KSR1: variants seen among roughly 807,000 people sequenced by gnomAD.
KSR1 encodes the protein kinase suppressor of ras.
Under a neutral mutation model 92.9 loss-of-function variants are expected in KSR1, and 35 were observed. The observed-to-expected ratio is 0.38, with a 90% CI of 0.29 to 0.50. KSR1 has a LOEUF of 0.50. Among genes scored for constraint, KSR1 ranks in the 20% least tolerant of loss-of-function variants. The pLI is 0.94. For missense variants in KSR1, 972 were observed against 1,158.5 expected, an observed-to-expected ratio of 0.84 and a Z score of 2.34; for synonymous variants, 467 against 472.6, an observed-to-expected ratio of 0.99 and a Z score of 0.15.
chr17:27,527,001 C>G, intron 1 of KSR1: 1 of 529,288 alleles, frequency 1.9e-6, no homozygotes, highest in Non-Finnish European at 3.5e-6. Flanking sequence ...GATGTTCTCC[C>G]AGCCCTTCTT....
rs1204214538 is a variant in KSR1, at chr17:27,623,428, T to A, written c.*36T>A. ...GGTTTTTCGCTGCTGATCTCTTTCT[T>A]TTTAAAATGTGTTTCTGAAACATCC... On this transcript the variant is annotated 3_prime_UTR_variant, in exon 21 of 21. Transcript: ENST00000644974. 9.4e-6 allele frequency: 7 copies of A among 748,500 alleles called. No individual in the cohort carries two copies. The highest frequency in any genetic ancestry group is 1.7e-5 in the Non-Finnish European group (7 of 409,034). 46.4% of individuals were successfully genotyped at this position (748,500 alleles called of 1,614,324 possible).
At position 27,590,806 on chromosome 17, in the gene KSR1, TGCAGGTTC is replaced by T; in HGVS notation, c.1047-4_1050del. The T allele has an allele frequency of 6.2e-7, 1 of 1,608,774 alleles. No homozygotes were observed. The highest frequency in any genetic ancestry group is 1.1e-5 in the South Asian group (1 of 89,516). On this transcript the variant is annotated splice_acceptor_variant and splice_polypyrimidine_tract_variant and coding_sequence_variant and intron_variant, in exon 7 of 21. Coordinates refer to ENST00000644974, the MANE Select transcript of KSR1 (RefSeq NM_001394583.1). LOFTEE classifies it high-confidence loss of function. ...CAAACATGTGCCTGTGTCCGCCCTCTGCAGGTTCTCCACCAAGTCCTGGCTGTCGCAGG... is the reference window on the plus strand; with the variant it reads ...CAAACATGTGCCTGTGTCCGCCCTCTTCCACCAAGTCCTGGCTGTCGCAGG...
intron 1 of KSR1, among the ~76,000 whole-genome samples, chr17:27,504,541 G>T (rs1419609976): frequency 6.6e-6 from 1 of 152,118 alleles, no homozygotes; most frequent in African/African-American, 2.4e-5. Context: ...TTGAAGGGTG[G>T]GTACAGACGG....
chr17:27,582,257 G>GT (rs1372007613), intron 3 of KSR1, among the ~76,000 whole-genome samples: 1 of 152,128 alleles, frequency 6.6e-6, no homozygotes, highest in Non-Finnish European at 1.5e-5. Context: ...TAGAGTCTGG[G>GT]TTTTTTTAGA....
In KSR1 at chr17:27,611,650, G is replaced by A. The variant is rs7207500; in HGVS notation, c.2493+21G>A. 19,587 of 1,613,456 alleles carry A rather than the reference G, an allele frequency of 0.012. 787 individuals are homozygous for A. The African/African-American group carries it at 0.14, about 11-fold the overall frequency. On this transcript the variant is annotated intron_variant, in intron 18 of 20. Transcript: ENST00000644974. ...TCAGTGTAAGTAGTACCTGCCCTGG[G>A]TGGAGCAGTAGGGCTGGAGGTGGGG...
rs560360209 is a variant in KSR1 at position 27,491,149 on chromosome 17, C to T, written c.231+34275C>T. 6.3e-4 allele frequency among the ~76,000 whole-genome samples: 96 copies of T among 152,156 alleles called. 2 individuals carry two copies. In the South Asian group the frequency reaches 0.02, roughly 32 times the overall value. On this transcript the variant is annotated intron_variant, in intron 1 of 20. Transcript: ENST00000644974. The stretch of plus-strand genomic sequence containing the variant: ...ATGTTTATTTTTTTAGAGGTGGAGT[C>T]TCATTCTGTCGCCCAGGCTGGAGCA...
At chr17:27,542,024 T>C (rs1456943989) in intron 1 of KSR1, among the ~76,000 whole-genome samples, 1 of 152,230 alleles carries the variant, frequency 6.6e-6, no homozygotes. Flanking sequence ...GAAGGGTCTG[T>C]AGTATTTTCA....
At position 27,569,978 on chromosome 17, in the gene KSR1, C is replaced by T. The variant is rs373075074; in HGVS notation, c.373-7514C>T. Among the ~76,000 whole-genome samples the T allele has an allele frequency of 7.2e-5, 11 of 152,258 alleles. No individual in the cohort carries two copies. The South Asian group carries it at 1.7e-3, about 23-fold the overall frequency. ...GAGAAAGTGGTGGCTGTGGTGACAG[C>T]GGGTGCAGCTGGAAGCTAGATATCT... On this transcript the variant is annotated intron_variant, in intron 2 of 20. Coordinates refer to ENST00000644974, the MANE Select transcript of KSR1 (RefSeq NM_001394583.1).
chr17:27,598,515 G>A (rs544400336), intron 10 of KSR1, among the ~76,000 whole-genome samples: 16 of 152,172 alleles, frequency 1.1e-4, no homozygotes, highest in Non-Finnish European at 2.4e-4. Flanking sequence ...CACGCACGTG[G>A]CTGGATATCT....
rs528969994 is a variant in KSR1, at chr17:27,495,619, A to G, written c.231+38745A>G. ...CTGAAATCTGTGAGCAATGTTGTCC[A>G]GTAAGGCTGTCTCTACCAGGTAACA... On this transcript the variant is annotated intron_variant, in intron 1 of 20. Transcript: ENST00000644974. Among the ~76,000 whole-genome samples the G allele has an allele frequency of 5.3e-5, 8 of 152,326 alleles. No homozygotes were observed. In the South Asian group the frequency reaches 1.7e-3, roughly 32 times the overall value.
chr17:27,530,848 G>T (rs1195115153), intron 1 of KSR1, among the ~76,000 whole-genome samples: 1 of 152,174 alleles, frequency 6.6e-6, no homozygotes, highest in Non-Finnish European at 1.5e-5. Flanking sequence ...CGTAGTTCTT[G>T]CCATCCATCA....
intron 1 of KSR1, among the ~76,000 whole-genome samples, chr17:27,544,033 C>T (rs17716285): frequency 0.082 from 12,504 of 152,254 alleles, 726 homozygotes; most frequent in Non-Finnish European, 0.13. Context: ...CACCCACGTC[C>T]GCTGCCGCCG....
chr17:27,560,589 T>C, intron 2 of KSR1: 1 of 479,898 alleles, frequency 2.1e-6, no homozygotes, highest in Admixed American at 2.1e-5. Context: ...CCTGCCACCA[T>C]TTTGGTTTCC....
chr17:27,603,071 CCATGG>C (rs2073623227), intron 11 of KSR1, among the ~76,000 whole-genome samples: 1 of 152,254 alleles, frequency 6.6e-6, no homozygotes, highest in Non-Finnish European at 1.5e-5. Context: ...AGTGAGCCGT[CCATGG>C]CGGCCCTGGG....
intron 1 of KSR1, among the ~76,000 whole-genome samples, chr17:27,492,410 C>T (rs751580557): frequency 2.0e-5 from 3 of 152,186 alleles, no homozygotes; most frequent in Non-Finnish European, 4.4e-5. Flanking sequence ...CCGTGAATTC[C>T]TTTCTAGGAA....
At chr17:27,609,424 G>C in intron 16 of KSR1, 95 bp downstream of exon 16, 2 of 1,511,550 alleles carry the variant, frequency 1.3e-6, no homozygotes, top group South Asian at 2.4e-5. Context: ...TTGCTGAGCT[G>C]CAGCCCTCCC....
At chr17:27,518,292 C>T (rs920171424) in intron 1 of KSR1, among the ~76,000 whole-genome samples, 2 of 152,188 alleles carry the variant, frequency 1.3e-5, no homozygotes, top group Non-Finnish European at 2.9e-5. Flanking sequence ...AGTAAAGAAG[C>T]AATAGCTACA....
chr17:27,545,470 G>A (rs1340210477), intron 1 of KSR1, among the ~76,000 whole-genome samples: 2 of 152,194 alleles, frequency 1.3e-5, no homozygotes, highest in Non-Finnish European at 2.9e-5. Flanking sequence ...AGGATCACTT[G>A]AGCCTAGGAG....
chr17:27,595,226 T>G (rs1378111723), intron 9 of KSR1, among the ~76,000 whole-genome samples: 1 of 152,258 alleles, frequency 6.6e-6, no homozygotes. Context: ...CAGGAAGCAC[T>G]GGTCAGATCC....
Sources: gnomAD v4.1 joint callset for allele counts (sites outside exome capture counted in the v4.1 genomes callset) on GRCh38, gnomAD v4.1.1 for gene constraint, MANE v1.5 for transcripts, NCBI Gene and HGNC (gene_info 2026-07-23, HGNC 2026-07-21) for gene names.